Variants in MSI2 observed in about 807,000 individuals in gnomAD.
The protein encoded by MSI2 is RNA-binding protein Musashi homolog 2.
In MSI2, 17 loss-of-function variants were observed where a neutral mutation model predicts 45.6. That is an observed-to-expected ratio of 0.37 (90% CI 0.26 to 0.56). The LOEUF is 0.56. Ranked by LOEUF, MSI2 falls within the 20% of genes least tolerant of loss-of-function variation. MSI2 has a pLI of 0.77. For synonymous variants in MSI2, 156 were observed against 158.2 expected, an observed-to-expected ratio of 0.99 and a Z score of 0.11; for missense variants, 293 against 444.2, an observed-to-expected ratio of 0.66 and a Z score of 3.06.
At position 57,581,004 on chromosome 17, in the gene MSI2, C is replaced by CTTTTTTTTTTTTTTTTTTTTTTTTTTT. The variant is rs3059122; in HGVS notation, c.455-15838_455-15837insTTTTTTTTTTTTTTTTTTTTTTTTTTT. Among the ~76,000 whole-genome samples, 5 of 66,506 alleles carry CTTTTTTTTTTTTTTTTTTTTTTTTTTT rather than the reference C, an allele frequency of 7.5e-5. 2 individuals are homozygous for CTTTTTTTTTTTTTTTTTTTTTTTTTTT. Among genetic ancestry groups the CTTTTTTTTTTTTTTTTTTTTTTTTTTT allele is most frequent in the Non-Finnish European group, 1.1e-4 (4 of 37,202 alleles). The allele number at this position is 66,506 out of a possible 152,430, so 43.6% of individuals were successfully genotyped here. ...CATGCCAGCCCCATGAGGTCAGCAT[C>CTTTTTTTTTTTTTTTTTTTTTTTTTTT]TTTTTTTTTTTTTTTTTTTTTTTTT... On this transcript the variant is annotated intron_variant, in intron 7 of 13. Transcript: ENST00000284073.
intron 11 of MSI2, chr17:57,674,767 A>G (rs1193621408): frequency 6.2e-6 from 4 of 647,976 alleles, no homozygotes; most frequent in Non-Finnish European, 5.1e-6. Flanking sequence ...GCCTGGGCTG[A>G]GTATTCTTGA....
At chr17:57,524,789 T>G (rs1044606088) in intron 6 of MSI2, among the ~76,000 whole-genome samples, 13 of 152,250 alleles carry the variant, frequency 8.5e-5, no homozygotes, top group African/African-American at 2.9e-4. Flanking sequence ...TGGAACTTGC[T>G]CCTAGATGGG....
chr17:57,361,443 T>TAA (rs879675657), intron 5 of MSI2, among the ~76,000 whole-genome samples: 1 of 139,224 alleles, frequency 7.2e-6, no homozygotes, highest in South Asian at 2.3e-4. Flanking sequence ...TTACAAAAAA[T>TAA]AAAAAAAAAA....
intron 13 of MSI2, 67 bp downstream of exon 13, chr17:57,677,126 T>C (rs536630128): frequency 2.8e-6 from 3 of 1,059,616 alleles, no homozygotes; most frequent in Middle Eastern, 2.0e-4. Flanking sequence ...CCACAGGTCA[T>C]ACATGCACGT....
At chr17:57,299,496 G>A (rs568735779) in intron 5 of MSI2, among the ~76,000 whole-genome samples, 77 of 152,302 alleles carry the variant, frequency 5.1e-4, no homozygotes, top group Non-Finnish European at 9.7e-4. Flanking sequence ...GCTAATTTCA[G>A]TATTGTGTCT....
chr17:57,688,189 TA>T (rs1462737516), downstream of MSI2, among the ~76,000 whole-genome samples: 2 of 152,022 alleles, frequency 1.3e-5, no homozygotes, highest in Non-Finnish European at 2.9e-5. Flanking sequence ...TTCTAAAAAC[TA>T]AGATAACAGA....
Position 57,473,037 on chromosome 17 carries a change from C to T in MSI2, c.406-56639C>T, listed in dbSNP as rs544309577. On this transcript the variant is annotated intron_variant, in intron 6 of 13. Coordinates refer to ENST00000284073, the MANE Select transcript of MSI2 (RefSeq NM_138962.4). ...CCTCCTGAGTAGCTGGGATTACAGGCGCCTGACACCATGTCTAGCTAATTT... is the reference window on the plus strand; with the variant it reads ...CCTCCTGAGTAGCTGGGATTACAGGTGCCTGACACCATGTCTAGCTAATTT... Among the ~76,000 whole-genome samples, 73 of 58,312 alleles carry T rather than the reference C, an allele frequency of 1.3e-3. 1 individual carries two copies. Among genetic ancestry groups the T allele is most frequent in the African/African-American group, 2.5e-3 (56 of 22,682 alleles). 38.3% of individuals were successfully genotyped at this position (58,312 alleles called of 152,430 possible).
chr17:57,357,938 T>C (rs1916552230), intron 5 of MSI2, among the ~76,000 whole-genome samples: 1 of 152,220 alleles, frequency 6.6e-6, no homozygotes, highest in Non-Finnish European at 1.5e-5. Flanking sequence ...CCAGGATCTC[T>C]GTACAGCCCC....
At chr17:57,325,943 C>T (rs1005201758) in intron 5 of MSI2, among the ~76,000 whole-genome samples, 1 of 152,204 alleles carries the variant, frequency 6.6e-6, no homozygotes, top group African/African-American at 2.4e-5. Flanking sequence ...GTTTCCTGAA[C>T]ATTCTTCACT....
At chr17:57,414,413 G>C (rs9896760) in intron 6 of MSI2, among the ~76,000 whole-genome samples, 17,446 of 151,112 alleles carry the variant, frequency 0.12, 1,143 homozygotes, top group East Asian at 0.28. Context: ...TTTTGAGACA[G>C]AGTTTCACTC....
At chr17:57,640,447 C>A (rs1215019340) in intron 10 of MSI2, among the ~76,000 whole-genome samples, 1 of 152,174 alleles carries the variant, frequency 6.6e-6, no homozygotes, top group Admixed American at 6.5e-5. Flanking sequence ...TTCTCAGCTC[C>A]GCTACAGTTA....
At chr17:57,425,866 C>T in intron 6 of MSI2, among the ~76,000 whole-genome samples, 1 of 152,186 alleles carries the variant, frequency 6.6e-6, no homozygotes, top group Non-Finnish European at 1.5e-5. Flanking sequence ...ACATTTCTAC[C>T]AGTTAAGGCA....
At chr17:57,697,148 A>G in the MSI2 span, among the ~76,000 whole-genome samples, 1 of 134,682 alleles carries the variant, frequency 7.4e-6, no homozygotes, top group African/African-American at 2.9e-5. Context: ...AGCAGGACAC[A>G]CACACACACA....
chr17:57,357,481 T>C (rs1916516143), intron 5 of MSI2, among the ~76,000 whole-genome samples: 2 of 152,184 alleles, frequency 1.3e-5, no homozygotes, highest in African/African-American at 4.8e-5. Flanking sequence ...TCCCTCCTGC[T>C]CTGCCCCAGA....
intron 5 of MSI2, among the ~76,000 whole-genome samples, chr17:57,392,778 G>A (rs2144091974): frequency 6.6e-6 from 1 of 152,270 alleles, no homozygotes; most frequent in African/African-American, 2.4e-5. Context: ...GGTGGGAATG[G>A]TGGGCAGGCA....
intron 6 of MSI2, among the ~76,000 whole-genome samples, chr17:57,496,184 A>T (rs755800702): frequency 2.6e-5 from 4 of 152,150 alleles, no homozygotes; most frequent in Non-Finnish European, 4.4e-5. Flanking sequence ...GCAGAGTAGA[A>T]GTGCGGGAGG....
chr17:57,507,411 A>G (rs1567865969), intron 6 of MSI2, among the ~76,000 whole-genome samples: 3 of 152,088 alleles, frequency 2.0e-5, no homozygotes, highest in African/African-American at 4.8e-5. Flanking sequence ...GCGCAGTTTC[A>G]AAGTGTTCAC....
chr17:57,471,725 C>T (rs1301178626), intron 6 of MSI2, among the ~76,000 whole-genome samples: 2 of 152,044 alleles, frequency 1.3e-5, no homozygotes, highest in Non-Finnish European at 2.9e-5. Context: ...CTGCGTGCTG[C>T]CCCCAGCCTG....
intron 5 of MSI2, among the ~76,000 whole-genome samples, chr17:57,269,861 A>G (rs1315782209): frequency 6.6e-6 from 1 of 151,970 alleles, no homozygotes; most frequent in African/African-American, 2.4e-5. Flanking sequence ...CTTGGTGAAG[A>G]ATATGCATTT....
Sources: allele counts gnomAD v4.1 joint callset (sites outside exome capture counted in the v4.1 genomes callset), GRCh38; gene constraint gnomAD v4.1.1; transcripts MANE v1.5; gene names NCBI Gene and HGNC (gene_info 2026-07-23, HGNC 2026-07-21).